LEPR: variants seen among roughly 807,000 people sequenced by gnomAD.
LEPR encodes leptin receptor.
In LEPR, 56 loss-of-function variants were observed where a neutral mutation model predicts 114.7. That is an observed-to-expected ratio of 0.49 (90% CI 0.39 to 0.61). The LOEUF (loss-of-function observed/expected upper bound fraction) is 0.61, where lower values mean the gene tolerates loss of function less well. LEPR is among the 20% of genes least tolerant of loss of function. The pLI, the probability that LEPR is intolerant of heterozygous loss-of-function variation, is 0.00. For synonymous variants in LEPR, 443 were observed against 461.4 expected (o/e 0.96, Z 0.51); for missense variants, 1,202 against 1,352.9 (o/e 0.89, Z 1.75).
At chr1:65,570,404 G>T in intron 3 of LEPR, 69 bp from the exon 4 acceptor site, 1 of 1,466,754 alleles carries the variant, frequency 6.8e-7, no homozygotes, top group Non-Finnish European at 9.4e-7. Flanking sequence ...TTTAATCTCA[G>T]ATACTTTCTA....
In LEPR at chr1:65,638,031, A is replaced by T. The variant is rs1439583304; in HGVS notation, c.*1016A>T. 2.6e-5 allele frequency: 4 copies of T among 152,156 alleles called. No individual in the cohort carries two copies. The highest frequency in any genetic ancestry group is 1.9e-4 in the East Asian group (1 of 5,194). 9.4% of individuals were successfully genotyped at this position (152,156 alleles called of 1,614,324 possible). ...CTATACCCTACATAGCCATCAATTTAAAAAAACTGACTTGTAATCAAAATT... is the reference window on the plus strand; with the variant it reads ...CTATACCCTACATAGCCATCAATTTTAAAAAACTGACTTGTAATCAAAATT... On this transcript the variant is annotated 3_prime_UTR_variant, in exon 20 of 20. Transcript: ENST00000349533.
chr1:65,422,694 G>T (rs149423317), intron 1 of LEPR, among the ~76,000 whole-genome samples: 1 of 152,210 alleles, frequency 6.6e-6, no homozygotes, highest in South Asian at 2.1e-4. Flanking sequence ...GTGACATGGC[G>T]CAGGGCTTAT....
chr1:65,511,004 C>T (rs144097928), intron 2 of LEPR, among the ~76,000 whole-genome samples: 1 of 151,988 alleles, frequency 6.6e-6, no homozygotes, highest in Admixed American at 6.6e-5. Flanking sequence ...CAGAGTGAGA[C>T]CCTGTCTCAC....
chr1:65,510,660 C>G (rs925079850), intron 2 of LEPR, among the ~76,000 whole-genome samples: 3 of 152,234 alleles, frequency 2.0e-5, no homozygotes, highest in Middle Eastern at 3.4e-3. Flanking sequence ...GTTTTTGAAT[C>G]TCAAAAGCGC....
intron 2 of LEPR, among the ~76,000 whole-genome samples, chr1:65,485,490 CTTGCATCTTTCTG>C (rs1464892302): frequency 6.6e-6 from 1 of 152,170 alleles, no homozygotes; most frequent in Non-Finnish European, 1.5e-5. Flanking sequence ...TCTTGGCTTT[CTTGCATCTTTCTG>C]TTGCCATAGA....
intron 5 of LEPR, among the ~76,000 whole-genome samples, chr1:65,583,282 G>A (rs971678820): frequency 2.6e-5 from 4 of 152,174 alleles, no homozygotes; most frequent in Admixed American, 6.6e-5. Context: ...GGAGCATACA[G>A]AAAAACTTAC....
At chr1:65,464,768 G>A (rs1351580057) in intron 2 of LEPR, among the ~76,000 whole-genome samples, 8 of 152,140 alleles carry the variant, frequency 5.3e-5, no homozygotes, top group Non-Finnish European at 1.2e-4. Context: ...GGGTGTATGT[G>A]TCCAGGAATT....
At chr1:65,445,257 G>A (rs1192721826) in intron 2 of LEPR, among the ~76,000 whole-genome samples, 2 of 152,184 alleles carry the variant, frequency 1.3e-5, no homozygotes, top group Non-Finnish European at 2.9e-5. Context: ...TGTAAATGCT[G>A]CTCCTGGCTG....
chr1:65,474,653 A>G (rs1383618307), intron 2 of LEPR, among the ~76,000 whole-genome samples: 2 of 152,138 alleles, frequency 1.3e-5, no homozygotes, highest in Non-Finnish European at 2.9e-5. Flanking sequence ...TTCATTTCCC[A>G]GTCCACAGCC....
intron 19 of LEPR, among the ~76,000 whole-genome samples, chr1:65,624,934 G>A (rs182583490): frequency 1.3e-5 from 2 of 152,220 alleles, no homozygotes; most frequent in East Asian, 3.9e-4. Flanking sequence ...TAGAAACTTC[G>A]CTTTGCCTGA....
chr1:65,505,337 GA>G (rs957219991), intron 2 of LEPR, among the ~76,000 whole-genome samples: 1 of 151,566 alleles, frequency 6.6e-6, no homozygotes, highest in Non-Finnish European at 1.5e-5. Context: ...CAATTGAAAT[GA>G]AAAAAAGAAA....
intron 8 of LEPR, 117 bp from the exon 9 acceptor site, chr1:65,601,275 C>A: frequency 1.6e-6 from 2 of 1,247,318 alleles, no homozygotes; most frequent in Non-Finnish European, 2.3e-6. Flanking sequence ...TTAAATTACA[C>A]TCATTTTATT....
chr1:65,636,682 A>G lies in LEPR; in HGVS notation c.3165A>G (p.Glu1055=). Residue 1055 remains glutamate, a synonymous_variant, in exon 20 of 20, where the codon GAA becomes GAG. Transcript: ENST00000349533. ...NIISPHLTFS[E]GLDELLKLEG... is the part of the protein sequence containing the mutation. ...TTTCACCACACCTCACATTCTCAGA[A>G]GGATTGGATGAACTTTTGAAATTGG... is the stretch of plus-strand genomic sequence containing the variant. 1 of 1,609,192 alleles carries G rather than the reference A, an allele frequency of 6.2e-7. No individual in the cohort carries two copies. The highest frequency in any genetic ancestry group is 8.5e-7 in the Non-Finnish European group (1 of 1,177,110).
At chr1:65,587,769 C>A (rs545897425) in intron 5 of LEPR, among the ~76,000 whole-genome samples, 2 of 152,020 alleles carry the variant, frequency 1.3e-5, no homozygotes, top group South Asian at 4.2e-4. Flanking sequence ...ATAATAAATT[C>A]TATTACTTGA....
chr1:65,632,054 G>A (rs1197731465), intron 19 of LEPR, among the ~76,000 whole-genome samples: 1 of 151,926 alleles, frequency 6.6e-6, no homozygotes, highest in Non-Finnish European at 1.5e-5. Context: ...ACTTCCTTTA[G>A]CGGGGCTAAA....
chr1:65,441,704 A>T (rs1313869472), intron 2 of LEPR, among the ~76,000 whole-genome samples: 1 of 152,204 alleles, frequency 6.6e-6, no homozygotes, highest in Admixed American at 6.5e-5. Context: ...GTGATACACT[A>T]ACACCAGTGG....
intron 2 of LEPR, among the ~76,000 whole-genome samples, chr1:65,460,874 A>G (rs1242529227): frequency 1.3e-5 from 2 of 151,712 alleles, no homozygotes; most frequent in African/African-American, 4.8e-5. Flanking sequence ...CAAAAACAAA[A>G]CCTTTGAAAT....
intron 11 of LEPR, among the ~76,000 whole-genome samples, chr1:65,608,136 T>C (rs1248776051): frequency 6.7e-6 from 1 of 149,038 alleles, no homozygotes; most frequent in African/African-American, 2.5e-5. Context: ...CATATGGAAA[T>C]TGATGCAGTC....
chr1:65,594,900 G>A (rs1250956592), intron 6 of LEPR, among the ~76,000 whole-genome samples: 1 of 152,044 alleles, frequency 6.6e-6, no homozygotes, highest in African/African-American at 2.4e-5. Context: ...GCCGAGTAAG[G>A]TGAACAGGAA....
Sources: gnomAD v4.1 joint callset for allele counts (sites outside exome capture counted in the v4.1 genomes callset) on GRCh38, gnomAD v4.1.1 for gene constraint, MANE v1.5 for transcripts, NCBI Gene and HGNC (gene_info 2026-07-23, HGNC 2026-07-21) for gene names.